ADAMTSL3: variants seen among roughly 807,000 people sequenced by gnomAD.
The protein encoded by ADAMTSL3 is ADAMTS-like protein 3.
ADAMTSL3 carries 128 observed loss-of-function variants against 201.7 expected under a neutral mutation model. The ratio of observed to expected loss-of-function variants is 0.63; its 90% CI spans 0.55 to 0.73. The LOEUF (loss-of-function observed/expected upper bound fraction) is 0.73. Among genes scored for constraint, ADAMTSL3 ranks in the 30% least tolerant of loss-of-function variants. The pLI, the probability that ADAMTSL3 is intolerant of heterozygous loss-of-function variation, is 0.00. For synonymous variants in ADAMTSL3, 738 were observed against 748.4 expected (o/e 0.99, Z 0.23); for missense variants, 1,990 against 2,119.6 (o/e 0.94, Z 1.20).
At chr15:83,975,149 C>T (rs974551256) in intron 20 of ADAMTSL3, among the ~76,000 whole-genome samples, 5 of 152,050 alleles carry the variant, frequency 3.3e-5, no homozygotes, top group African/African-American at 1.2e-4. Context: ...CTACAGGCAC[C>T]TGCTACCATG....
At chr15:84,006,355 A>G (rs2141873707) in intron 23 of ADAMTSL3, among the ~76,000 whole-genome samples, 1 of 152,342 alleles carries the variant, frequency 6.6e-6, no homozygotes, top group South Asian at 2.1e-4. Flanking sequence ...GCTGGAAGAA[A>G]CAAACATGAG....
At chr15:83,695,595 C>G (rs945759338) in intron 2 of ADAMTSL3, among the ~76,000 whole-genome samples, 1 of 151,984 alleles carries the variant, frequency 6.6e-6, no homozygotes, top group African/African-American at 2.4e-5. Flanking sequence ...TGTATCCAGA[C>G]TTTATTCAAA....
chr15:84,021,717 T>C (rs912433419), intron 26 of ADAMTSL3, 124 bp downstream of exon 26: 1 of 996,190 alleles, frequency 1.0e-6, no homozygotes, highest in Non-Finnish European at 1.4e-6. Flanking sequence ...ATACTAGGCA[T>C]CCTGCTAAGT....
At chr15:83,826,649 A>G (rs1469353160) in intron 6 of ADAMTSL3, among the ~76,000 whole-genome samples, 10 of 138,662 alleles carry the variant, frequency 7.2e-5, no homozygotes, top group Non-Finnish European at 1.3e-4. Context: ...TCCTAATGCT[A>G]TCCCTCCCCC....
At chr15:83,832,977 G>A (rs1186844579) in intron 6 of ADAMTSL3, among the ~76,000 whole-genome samples, 1 of 152,150 alleles carries the variant, frequency 6.6e-6, no homozygotes, top group Non-Finnish European at 1.5e-5. Flanking sequence ...TAGCTGTGCA[G>A]ATGAAGAAAC....
At chr15:83,878,103 A>G (rs577705640) in intron 9 of ADAMTSL3, among the ~76,000 whole-genome samples, 21 of 152,228 alleles carry the variant, frequency 1.4e-4, no homozygotes. Context: ...TTTTTTATAG[A>G]TATTTTATTT....
chr15:83,987,012 T>G lies in ADAMTSL3; in HGVS notation c.3717-1679T>G, dbSNP rs192877508. 7.1e-4 allele frequency among the ~76,000 whole-genome samples: 108 copies of G among 152,354 alleles called. 2 individuals carry two copies. Among genetic ancestry groups the G allele is most frequent in the Admixed American group, 3.9e-3 (60 of 15,302 alleles). ...CTCAGCTATTTCTGATCTCAATGAT[T>G]TCTCACTGGACTGTTACCTGAAACC... On this transcript the variant is annotated intron_variant, in intron 21 of 29. Coordinates refer to ENST00000286744, the MANE Select transcript of ADAMTSL3 (RefSeq NM_207517.3).
intron 16 of ADAMTSL3, among the ~76,000 whole-genome samples, chr15:83,914,041 A>G (rs961353201): frequency 2.0e-5 from 3 of 152,210 alleles, no homozygotes; most frequent in Admixed American, 6.5e-5. Context: ...AAAGATAGAA[A>G]TAACAAATAA....
intron 5 of ADAMTSL3, among the ~76,000 whole-genome samples, chr15:83,805,377 G>C (rs1453202329): frequency 1.3e-5 from 2 of 152,064 alleles, no homozygotes; most frequent in Admixed American, 1.3e-4. Flanking sequence ...GGCCAATGTG[G>C]TGAAATCCCA....
intron 12 of ADAMTSL3, 151 bp from the exon 13 acceptor site, chr15:83,892,532 CA>C (rs960413960): frequency 1.5e-4 from 111 of 747,052 alleles, no homozygotes; most frequent in Non-Finnish European, 1.7e-4. Flanking sequence ...TCTGTCTCAA[CA>C]AAAAAAAGTA....
At chr15:83,698,629 A>T (rs373893486) in intron 2 of ADAMTSL3, among the ~76,000 whole-genome samples, 42,063 of 152,046 alleles carry the variant, frequency 0.28, 6,028 homozygotes, top group South Asian at 0.49. Context: ...GCCACATGCC[A>T]CTGAGTCTTC....
At chr15:83,689,592 G>A (rs1260994559) in intron 2 of ADAMTSL3, among the ~76,000 whole-genome samples, 1 of 152,152 alleles carries the variant, frequency 6.6e-6, no homozygotes, top group Non-Finnish European at 1.5e-5. Context: ...TTGTATTCCA[G>A]TGTATAAATA....
intron 4 of ADAMTSL3, among the ~76,000 whole-genome samples, chr15:83,778,292 C>T (rs937584473): frequency 6.6e-6 from 1 of 152,116 alleles, no homozygotes; most frequent in Non-Finnish European, 1.5e-5. Flanking sequence ...CAGTAAAATA[C>T]TTCCCAAGAA....
intron 3 of ADAMTSL3, chr15:83,740,201 C>T: frequency 5.0e-6 from 1 of 199,042 alleles, no homozygotes; most frequent in Non-Finnish European, 1.1e-5. Context: ...TGATTTTCCA[C>T]AGATAATACA....
In ADAMTSL3 at chr15:83,933,221, A is replaced by G. The variant is rs2066394541; in HGVS notation, c.2117+9188A>G. On this transcript the variant is annotated intron_variant, in intron 17 of 29. Coordinates refer to ENST00000286744, the MANE Select transcript of ADAMTSL3 (RefSeq NM_207517.3). The stretch of plus-strand genomic sequence containing the variant: ...ATAAAGCATGGAGAATACATAAAAT[A>G]TGTAAAATATCCACAAAAGGTAGAT... Among the ~76,000 whole-genome samples the G allele has an allele frequency of 2.0e-5, 3 of 152,246 alleles. No homozygotes were observed. The South Asian group carries it at 6.2e-4, about 32-fold the overall frequency.
chr15:83,682,120 T>G (rs748705288), intron 2 of ADAMTSL3, among the ~76,000 whole-genome samples: 19 of 152,192 alleles, frequency 1.2e-4, no homozygotes, highest in Non-Finnish European at 2.8e-4. Flanking sequence ...GCTGGCATCT[T>G]GACTCTGTGA....
chr15:83,896,561 GGC>G (rs1376959758), intron 13 of ADAMTSL3, among the ~76,000 whole-genome samples: 1 of 152,042 alleles, frequency 6.6e-6, no homozygotes, highest in African/African-American at 2.4e-5. Context: ...TTGGAACAAT[GGC>G]ACCACACTAA....
intron 4 of ADAMTSL3, among the ~76,000 whole-genome samples, chr15:83,794,661 TG>T (rs983821376): frequency 6.8e-6 from 1 of 147,072 alleles, no homozygotes; most frequent in South Asian, 2.2e-4. Context: ...GAGGATAGGG[TG>T]GGGGGGAGGA....
chr15:83,982,219 A>G (rs556255942), intron 20 of ADAMTSL3, 54 bp from the exon 21 acceptor site: 97 of 1,399,264 alleles, frequency 6.9e-5, no homozygotes, highest in Admixed American at 5.9e-4. Context: ...AAAAGTCTGT[A>G]TTTTTGAGAT....
Sources: gnomAD v4.1 joint callset for allele counts (sites outside exome capture counted in the v4.1 genomes callset) on GRCh38, gnomAD v4.1.1 for gene constraint, MANE v1.5 for transcripts, NCBI Gene and HGNC (gene_info 2026-07-23, HGNC 2026-07-21) for gene names.